PCNX2: variants seen among roughly 807,000 people sequenced by gnomAD.
PCNX2 encodes the protein pecanex 2.
Under a neutral mutation model 223.8 loss-of-function variants are expected in PCNX2, and 168 were observed. That is an observed-to-expected ratio of 0.75 (90% CI 0.66 to 0.85). The LOEUF (loss-of-function observed/expected upper bound fraction) is 0.85. Among genes scored for constraint, PCNX2 ranks in the 40% least tolerant of loss-of-function variants. PCNX2 has a pLI of 0.00. For synonymous variants in PCNX2, 1,006 were observed against 1,052.6 expected (o/e 0.96, Z 0.86); for missense variants, 2,507 against 2,675.5 (o/e 0.94, Z 1.39).
intron 25 of PCNX2, among the ~76,000 whole-genome samples, chr1:233,037,869 C>G (rs1671511542): frequency 6.6e-6 from 1 of 152,130 alleles, no homozygotes; most frequent in Non-Finnish European, 1.5e-5. Context: ...TGTTATAATA[C>G]CTTTAAATGA....
intron 12 of PCNX2, among the ~76,000 whole-genome samples, chr1:233,216,074 A>G (rs1558352997): frequency 1.3e-5 from 2 of 152,212 alleles, no homozygotes; most frequent in Non-Finnish European, 2.9e-5. Flanking sequence ...AGAGGGAAAA[A>G]TCAAGCTTTC....
intron 20 of PCNX2, 60 bp from the exon 21 acceptor site, chr1:233,135,250 T>C (rs1167180310): frequency 6.1e-6 from 9 of 1,474,498 alleles, no homozygotes; most frequent in Non-Finnish European, 8.3e-6. Flanking sequence ...TGGATGAGTT[T>C]CATTCGCTAA....
chr1:233,176,751 C>T (rs1441985531), intron 17 of PCNX2, among the ~76,000 whole-genome samples: 4 of 152,196 alleles, frequency 2.6e-5, no homozygotes, highest in Admixed American at 6.5e-5. Context: ...CGGTGGCTCA[C>T]GCCTGTAATC....
chr1:233,019,109 A>G (rs1670787068), intron 26 of PCNX2: 13 of 985,280 alleles, frequency 1.3e-5, no homozygotes, highest in Non-Finnish European at 1.6e-5. Context: ...GGACTTTAGC[A>G]GGTGAAGAGA....
In PCNX2 at chr1:233,017,030, T is replaced by G; in HGVS notation, c.4730A>C (p.Asn1577Thr). The change falls in exon 27 of 34, where the codon AAC becomes ACC. Residue 1577 changes from asparagine to threonine, a missense_variant. Physicochemically the swap from Asn to Thr is moderately conservative, Grantham distance 65 (BLOSUM62 0). Around this residue, in one of 3 missense-constraint regions of PCNX2, gnomAD observed 1,372 missense variants for 1,509.4 expected, o/e 0.91. Transcript: ENST00000258229. ...GACGTAGTCATCATCAATGTTAATG[T>G]TGAACATTGCAAGGTCACGCTCAAT... ...HYIERDLAMFNINIDDDYVPC... is the reference protein window; with the variant it reads ...HYIERDLAMFTINIDDDYVPC... 6.2e-7 allele frequency: 1 copy of G among 1,614,024 alleles called. No individual in the cohort carries two copies. Among genetic ancestry groups the G allele is most frequent in the Non-Finnish European group, 8.5e-7 (1 of 1,179,894 alleles).
At chr1:233,131,730 TTTC>T in intron 21 of PCNX2, among the ~76,000 whole-genome samples, 1 of 151,900 alleles carries the variant, frequency 6.6e-6, no homozygotes, top group Middle Eastern at 3.4e-3. Flanking sequence ...CTCACTAATT[TTTC>T]TTTTTTTTTG....
At chr1:233,212,441 G>A (rs1681872527) in intron 12 of PCNX2, among the ~76,000 whole-genome samples, 1 of 152,178 alleles carries the variant, frequency 6.6e-6, no homozygotes. Flanking sequence ...AGGCAAATAA[G>A]ATTCTTTAAG....
At position 233,058,678 on chromosome 1, in the gene PCNX2, T is replaced by C. The variant is rs997854203; in HGVS notation, c.4077-1388A>G. 2.0e-5 allele frequency among the ~76,000 whole-genome samples: 3 copies of C among 147,230 alleles called. 1 individual carries two copies. The highest frequency in any genetic ancestry group is 7.6e-5 in the African/African-American group (3 of 39,524). On this transcript the variant is annotated intron_variant, in intron 23 of 33. Transcript: ENST00000258229. ...TTCTTTTCTTTTCTTTTTTTTTTTTTTTTTTTGAGATGGAGTCTCGCTCTG... is the reference window on the plus strand; with the variant it reads ...TTCTTTTCTTTTCTTTTTTTTTTTTCTTTTTTGAGATGGAGTCTCGCTCTG...
chr1:233,310,122 A>T, the PCNX2 span, among the ~76,000 whole-genome samples: 71 of 152,290 alleles, frequency 4.7e-4, no homozygotes, highest in Non-Finnish European at 8.4e-4. Context: ...ATGAAAGAAA[A>T]TCTCAATGAA....
chr1:233,192,771 C>A (rs920695270), intron 15 of PCNX2, among the ~76,000 whole-genome samples: 1 of 151,748 alleles, frequency 6.6e-6, no homozygotes, highest in Non-Finnish European at 1.5e-5. Flanking sequence ...AAATTTATAA[C>A]TGTAAAATTA....
chr1:233,047,404 T>C (rs909134458), intron 25 of PCNX2: 2 of 985,246 alleles, frequency 2.0e-6, no homozygotes, highest in Non-Finnish European at 1.2e-6. Flanking sequence ...AACTCAAAGA[T>C]TGGTTAAGTT....
chr1:233,312,332 T>C, the PCNX2 span, among the ~76,000 whole-genome samples: 2 of 152,090 alleles, frequency 1.3e-5, no homozygotes, highest in Non-Finnish European at 2.9e-5. Context: ...TTCAAATAAA[T>C]GTAGAATCTA....
chr1:232,984,222 G>A lies in PCNX2; in HGVS notation c.*82C>T. The A allele has an allele frequency of 8.1e-7, 1 of 1,239,060 alleles. No individual in the cohort carries two copies. The highest frequency in any genetic ancestry group is 1.6e-5 in the African/African-American group (1 of 62,302). 76.8% of individuals were successfully genotyped at this position (1,239,060 alleles called of 1,614,324 possible). A position where few individuals can be genotyped will look rare whatever the true frequency, so the allele number is the denominator to read the frequency against. ...TCATGGATCGCGGTATTGGTTGGTT[G>A]TGGTGATTTGGGGAGCACGAGGGAG... On this transcript the variant is annotated 3_prime_UTR_variant, in exon 34 of 34. Transcript: ENST00000258229.
intron 23 of PCNX2, among the ~76,000 whole-genome samples, chr1:233,072,410 A>G (rs1376311452): frequency 6.6e-6 from 1 of 152,032 alleles, no homozygotes; most frequent in African/African-American, 2.4e-5. Flanking sequence ...TCTGTCCCTC[A>G]TTGCTTGTTT....
chr1:233,116,441 G>T (rs1675413167), intron 21 of PCNX2, among the ~76,000 whole-genome samples: 2 of 151,886 alleles, frequency 1.3e-5, no homozygotes, highest in Admixed American at 1.3e-4. Flanking sequence ...GAAAAGAAAT[G>T]AAATCATACA....
At position 232,986,225 on chromosome 1, in the gene PCNX2, C is replaced by G; in HGVS notation, c.6107G>C (p.Arg2036Thr). 1 of 1,559,408 alleles carries G rather than the reference C, an allele frequency of 6.4e-7. No individual in the cohort carries two copies. Among genetic ancestry groups the G allele is most frequent in the Non-Finnish European group, 8.7e-7 (1 of 1,151,430 alleles). The change falls in exon 33 of 34, where the codon AGG becomes ACG. Residue 2036 changes from arginine (R) to threonine (T), a missense_variant. By Grantham distance (71) the Arg-to-Thr change is moderately conservative. This residue lies in a region of PCNX2 where 1,372 missense variants were observed against 1,509.4 expected (regional missense o/e 0.91). Coordinates refer to ENST00000258229, the MANE Select transcript of PCNX2 (RefSeq NM_014801.4). The stretch of plus-strand genomic sequence containing the variant: ...AATGACGAGCGCGCTGGAAAAGCTC[C>G]TCTTGCCGAAGAGGAAGCTCAGGGT... ...SSTLSFLFGK[R>T]SFSSALVISG... is the part of the protein sequence containing the mutation.
At chr1:233,325,905 CAGA>C in the PCNX2 span, among the ~76,000 whole-genome samples, 1 of 152,180 alleles carries the variant, frequency 6.6e-6, no homozygotes, top group Non-Finnish European at 1.5e-5. Context: ...TCCCATGCTA[CAGA>C]GAAGTCTTTC....
At position 232,984,266 on chromosome 1, in the gene PCNX2, T is replaced by A; in HGVS notation, c.*38A>T. 1.3e-6 allele frequency: 2 copies of A among 1,532,774 alleles called. No individual in the cohort carries two copies. The highest frequency in any genetic ancestry group is 1.3e-5 in the South Asian group (1 of 78,520). 94.9% of individuals were successfully genotyped at this position (1,532,774 alleles called of 1,614,324 possible). The stretch of plus-strand genomic sequence containing the variant: ...GAGGGAGAGCAATGCAGGTGGGAGG[T>A]GTGGGGGAGCCAGCCTCCCCGCCCG... On this transcript the variant is annotated 3_prime_UTR_variant, in exon 34 of 34. Coordinates refer to ENST00000258229, the MANE Select transcript of PCNX2 (RefSeq NM_014801.4).
At chr1:233,319,648 C>T in the PCNX2 span, among the ~76,000 whole-genome samples, 1 of 152,192 alleles carries the variant, frequency 6.6e-6, no homozygotes, top group Non-Finnish European at 1.5e-5. Flanking sequence ...GGGTCTTATG[C>T]CCTCACTTGA....
Sources: gnomAD v4.1 joint callset for allele counts (sites outside exome capture counted in the v4.1 genomes callset) on GRCh38, gnomAD v4.1.1 for gene constraint, gnomAD v4.1.1 regional missense constraint, MANE v1.5 for transcripts, NCBI Gene and HGNC (gene_info 2026-07-23, HGNC 2026-07-21) for gene names.